The following PRKN variants were observed in gnomAD, a reference collection of about 807,000 sequenced individuals.
PRKN encodes the protein E3 ubiquitin-protein ligase parkin.
PRKN carries 56 observed loss-of-function variants against 59.5 expected under a neutral mutation model. The ratio of observed to expected loss-of-function variants is 0.94; its 90% CI spans 0.76 to 1.18. PRKN has a LOEUF of 1.18. Ranked by LOEUF, PRKN falls within the 50% of genes most tolerant of loss-of-function variation. The pLI is 0.00. For synonymous variants in PRKN, 250 were observed against 222.1 expected (o/e 1.13, Z -1.12); for missense variants, 657 against 596.4 (o/e 1.10, Z -1.06).
chr6:161,957,436 G>GTTT lies in PRKN; in HGVS notation c.734+15863_734+15865dup, dbSNP rs10682757. On this transcript the variant is annotated intron_variant, in intron 6 of 11. Transcript: ENST00000366898. ...TTTTTTTTTGTTTGTTTGTTTGTTT[G>GTTT]TTTTTTTGAGCCAGAGTCTCACTCT... Among the ~76,000 whole-genome samples, 133 of 116,716 alleles carry GTTT rather than the reference G, an allele frequency of 1.1e-3. 1 individual carries two copies. The Middle Eastern group carries it at 0.025, about 22-fold the overall frequency. 76.6% of individuals were successfully genotyped at this position (116,716 alleles called of 152,430 possible).
intron 1 of PRKN, among the ~76,000 whole-genome samples, chr6:162,703,531 A>G (rs927707587): frequency 6.6e-6 from 1 of 152,194 alleles, no homozygotes; most frequent in Non-Finnish European, 1.5e-5. Flanking sequence ...GCCGGCTCCA[A>G]CTTACTCTTC....
intron 1 of PRKN, among the ~76,000 whole-genome samples, chr6:162,710,381 A>ACACACACACACT (rs1778489370): frequency 6.8e-6 from 1 of 146,038 alleles, no homozygotes; most frequent in Admixed American, 6.8e-5. Context: ...ACAAACACAC[A>ACACACACACACT]CACACACACA....
chr6:162,260,840 C>T (rs1779858869), intron 3 of PRKN, among the ~76,000 whole-genome samples: 4 of 151,988 alleles, frequency 2.6e-5, no homozygotes, highest in Admixed American at 2.6e-4. Context: ...TTTGGGAAAT[C>T]AAATTAAAGA....
rs561334425 is a variant in PRKN, at chr6:162,194,395, A to G, written c.534+6736T>C. On this transcript the variant is annotated intron_variant, in intron 4 of 11. Transcript: ENST00000366898. ...GCAAAATAGTAAGTGAGAAAATTCA[A>G]TGGTATCCATATGAGGTGTGTGTTG... Among the ~76,000 whole-genome samples, 25 of 152,316 alleles carry G rather than the reference A, an allele frequency of 1.6e-4. 1 individual carries two copies. The highest frequency in any genetic ancestry group is 2.2e-4 in the Non-Finnish European group (15 of 68,014).
At chr6:162,021,461 A>ATATATATAT (rs59250759) in intron 5 of PRKN, among the ~76,000 whole-genome samples, 16 of 24,668 alleles carry the variant, frequency 6.5e-4, no homozygotes, top group Non-Finnish European at 9.6e-4. Context: ...ATATATATAT[A>ATATATATAT]TTTTTTTTTT....
chr6:162,524,511 T>C (rs368226855), intron 1 of PRKN, among the ~76,000 whole-genome samples: 1 of 152,190 alleles, frequency 6.6e-6, no homozygotes, highest in Admixed American at 6.5e-5. Flanking sequence ...ATATAATGCA[T>C]GGACCTTGGT....
chr6:162,138,698 T>C (rs1781650314), intron 4 of PRKN, among the ~76,000 whole-genome samples: 1 of 152,098 alleles, frequency 6.6e-6, no homozygotes, highest in South Asian at 2.1e-4. Flanking sequence ...AAGTGAGTGT[T>C]GAAAGTCTCA....
At chr6:161,693,638 A>G (rs1785897132) in intron 7 of PRKN, among the ~76,000 whole-genome samples, 1 of 152,210 alleles carries the variant, frequency 6.6e-6, no homozygotes, top group Non-Finnish European at 1.5e-5. Context: ...ATGTCTTTTA[A>G]AATTAACAAC....
At chr6:161,665,480 C>A (rs1226866657) in intron 7 of PRKN, among the ~76,000 whole-genome samples, 1 of 152,158 alleles carries the variant, frequency 6.6e-6, no homozygotes, top group African/African-American at 2.4e-5. Context: ...ACATCTTCTA[C>A]CCCTACAAAT....
At chr6:162,064,835 TGAA>T (rs112088847) in intron 4 of PRKN, among the ~76,000 whole-genome samples, 28 of 152,368 alleles carry the variant, frequency 1.8e-4, no homozygotes, top group African/African-American at 6.5e-4. Flanking sequence ...CCAATGTGGT[TGAA>T]GAAGAAGGAC....
chr6:162,169,875 G>C (rs1202031161), intron 4 of PRKN, among the ~76,000 whole-genome samples: 1 of 152,186 alleles, frequency 6.6e-6, no homozygotes, highest in Non-Finnish European at 1.5e-5. Flanking sequence ...TATCTAGGAG[G>C]ATATGGGGGA....
chr6:162,395,436 A>T (rs1338837141), intron 2 of PRKN, among the ~76,000 whole-genome samples: 1 of 152,188 alleles, frequency 6.6e-6, no homozygotes, highest in African/African-American at 2.4e-5. Flanking sequence ...AGTTTGCCAC[A>T]GTGCCAACCA....
rs1554242558 is a variant in PRKN, at chr6:162,553,557, A to AAAAC, written c.8-110085_8-110084insGTTT. On this transcript the variant is annotated intron_variant, in intron 1 of 11. Transcript: ENST00000366898. Reference sequence around the variant, plus strand: ...TGTTTACTACCAAAAAAAAAAAAAAACACCCTAAAGCTTCAAGGGAAAGAA... The same window carrying AAAAC: ...TGTTTACTACCAAAAAAAAAAAAAAAAAACCACCCTAAAGCTTCAAGGGAAAGAA... Among the ~76,000 whole-genome samples, 246 of 138,692 alleles carry AAAAC rather than the reference A, an allele frequency of 1.8e-3. 6 individuals are homozygous for AAAAC. Among genetic ancestry groups the AAAAC allele is most frequent in the South Asian group, 4.6e-3 (20 of 4,310 alleles). 91.0% of individuals were successfully genotyped at this position (138,692 alleles called of 152,430 possible).
intron 4 of PRKN, among the ~76,000 whole-genome samples, chr6:162,076,616 T>C (rs1778838568): frequency 6.6e-6 from 1 of 152,122 alleles, no homozygotes; most frequent in South Asian, 2.1e-4. Context: ...CTAACTAAAT[T>C]TGTAGTCATC....
chr6:162,471,692 G>A (rs1791757224), intron 1 of PRKN, among the ~76,000 whole-genome samples: 1 of 152,106 alleles, frequency 6.6e-6, no homozygotes, highest in Admixed American at 6.6e-5. Flanking sequence ...AAATTATACA[G>A]AAGTGCAAAA....
At position 162,315,906 on chromosome 6, in the gene PRKN, G is replaced by A. The variant is rs112613515; in HGVS notation, c.172-53141C>T. ...CAATAATTCCTCAGAATCTGACTTC[G>A]CATCTACTCAACCTATTTCATTTTG... On this transcript the variant is annotated intron_variant, in intron 2 of 11. Coordinates refer to ENST00000366898, the MANE Select transcript of PRKN (RefSeq NM_004562.3). Among the ~76,000 whole-genome samples the A allele has an allele frequency of 2.0e-5, 3 of 152,142 alleles. 1 individual carries two copies. Among genetic ancestry groups the A allele is most frequent in the African/African-American group, 4.8e-5 (2 of 41,516 alleles).
chr6:162,293,338 A>C (rs774125870), intron 2 of PRKN, among the ~76,000 whole-genome samples: 3 of 152,202 alleles, frequency 2.0e-5, no homozygotes, highest in African/African-American at 7.2e-5. Flanking sequence ...CCCAAGTTTT[A>C]ATTTATAAGA....
chr6:162,103,464 T>C (rs919245797), intron 4 of PRKN, among the ~76,000 whole-genome samples: 1 of 152,116 alleles, frequency 6.6e-6, no homozygotes. Flanking sequence ...ACGCAATGAC[T>C]TAATAATAGT....
At chr6:161,394,647 A>G (rs1786669058) in intron 9 of PRKN, among the ~76,000 whole-genome samples, 1 of 152,144 alleles carries the variant, frequency 6.6e-6, no homozygotes, top group South Asian at 2.1e-4. Context: ...CCCACTCACT[A>G]TGAGTACCGT....
Sources: allele counts gnomAD v4.1 joint callset (sites outside exome capture counted in the v4.1 genomes callset), GRCh38; gene constraint gnomAD v4.1.1; transcripts MANE v1.5; gene names NCBI Gene and HGNC (gene_info 2026-07-23, HGNC 2026-07-21).